The following SUPT16H variants were observed in gnomAD, a reference collection of about 807,000 sequenced individuals.
SUPT16H encodes FACT complex subunit SPT16.
SUPT16H carries 24 observed loss-of-function variants against 136.2 expected under a neutral mutation model. The observed-to-expected ratio is 0.18, with a 90% CI of 0.13 to 0.25. SUPT16H has a LOEUF of 0.25. Ranked by LOEUF, SUPT16H falls within the 10% of genes least tolerant of loss-of-function variation. The probability of loss-of-function intolerance (pLI) is 1.00; values close to 1 mark genes in which losing one functional copy is unlikely to be tolerated. For missense variants in SUPT16H, 623 were observed against 1,270.2 expected (o/e 0.49, Z 7.74); for synonymous variants, 415 against 428.2 (o/e 0.97, Z 0.38).
chr14:21,374,924 G>C (rs577096390), intron 1 of SUPT16H, among the ~76,000 whole-genome samples: 3 of 152,286 alleles, frequency 2.0e-5, no homozygotes, highest in African/African-American at 7.2e-5. Flanking sequence ...ACATTCCTAA[G>C]AATGTATCAA....
chr14:21,368,155 G>C (rs1320038791), intron 7 of SUPT16H, 114 bp downstream of exon 7: 4 of 1,084,426 alleles, frequency 3.7e-6, no homozygotes, highest in Non-Finnish European at 5.3e-6. Context: ...CTGGATTCAA[G>C]TGATCCTCCT....
intron 7 of SUPT16H, among the ~76,000 whole-genome samples, chr14:21,367,071 G>A (rs1447561547): frequency 1.3e-5 from 2 of 152,116 alleles, no homozygotes; most frequent in Non-Finnish European, 1.5e-5. Flanking sequence ...TTCCCGAGTA[G>A]CTGAGACTAC....
At chr14:21,367,087 C>T (rs1358482904) in intron 7 of SUPT16H, among the ~76,000 whole-genome samples, 1 of 152,252 alleles carries the variant, frequency 6.6e-6, no homozygotes, top group East Asian at 1.9e-4. Context: ...ACTACAGGTG[C>T]CTGCCACCAC....
At chr14:21,383,565 G>A (rs1158330249) in intron 1 of SUPT16H, 2 of 690,646 alleles carry the variant, frequency 2.9e-6, no homozygotes, top group African/African-American at 3.5e-5. Context: ...CGGAGTAGGA[G>A]GGAAGGATGT....
chr14:21,369,785 T>C lies in SUPT16H; in HGVS notation c.595A>G (p.Lys199Glu). 3 of 1,614,162 alleles carry C rather than the reference T, an allele frequency of 1.9e-6. No individual in the cohort carries two copies. Among genetic ancestry groups the C allele is most frequent in the Non-Finnish European group, 2.5e-6 (3 of 1,180,008 alleles). ...TCAACTATTTCCATGACTCTTTCCTTGAAGAATTTGTTGAAGACTTCAGAA... is the reference window on the plus strand; with the variant it reads ...TCAACTATTTCCATGACTCTTTCCTCGAAGAATTTGTTGAAGACTTCAGAA... ...ITSEVFNKFF[K>E]ERVMEIVDAD... The change falls in exon 5 of 26, where the codon AAG (lysine) becomes GAG (glutamate). Residue 199 changes from lysine to glutamate, a missense_variant. Coordinates refer to ENST00000216297, the MANE Select transcript of SUPT16H (RefSeq NM_007192.4).
chr14:21,351,573 A>T lies in SUPT16H; in HGVS notation c.*1100T>A, dbSNP rs1886292964. On this transcript the variant is annotated 3_prime_UTR_variant, in exon 26 of 26. Transcript: ENST00000216297. Reference sequence around the variant, plus strand: ...TCCTACTGCTAAGGAGAAAAAACAAACAAACATAAAATCCGGGACCCCTCC... The same window carrying T: ...TCCTACTGCTAAGGAGAAAAAACAATCAAACATAAAATCCGGGACCCCTCC... The T allele has an allele frequency of 5.8e-6, 1 of 172,930 alleles. No homozygotes were observed. The highest frequency in any genetic ancestry group is 1.2e-5 in the Non-Finnish European group (1 of 81,660). The allele number at this position is 172,930 out of a possible 1,614,324, so 10.7% of individuals were successfully genotyped here.
At chr14:21,356,773 T>C (rs1886444004) in intron 22 of SUPT16H, among the ~76,000 whole-genome samples, 1 of 151,794 alleles carries the variant, frequency 6.6e-6, no homozygotes, top group Admixed American at 6.6e-5. Flanking sequence ...ACAAAATATG[T>C]AGAAAATATA....
At chr14:21,366,306 G>T in intron 8 of SUPT16H, 133 bp downstream of exon 8, 1 of 799,950 alleles carries the variant, frequency 1.3e-6, no homozygotes, top group Non-Finnish European at 2.0e-6. Context: ...AACATCATGT[G>T]CCTGGCACAT....
At chr14:21,374,946 T>G (rs1886869523) in intron 1 of SUPT16H, among the ~76,000 whole-genome samples, 1 of 152,200 alleles carries the variant, frequency 6.6e-6, no homozygotes, top group Non-Finnish European at 1.5e-5. Flanking sequence ...GTTCCAATTT[T>G]TCCACGTTAA....
intron 7 of SUPT16H, 116 bp from the exon 8 acceptor site, chr14:21,366,645 C>A: frequency 2.3e-6 from 2 of 885,982 alleles, no homozygotes; most frequent in Non-Finnish European, 3.3e-6. Context: ...GTGAACTAAA[C>A]AGTCCACTCA....
At chr14:21,372,131 A>G (rs955100145) in intron 2 of SUPT16H, 87 bp from the exon 3 acceptor site, 1 of 1,391,622 alleles carries the variant, frequency 7.2e-7, no homozygotes, top group Non-Finnish European at 9.6e-7. Context: ...CTTATAGACA[A>G]AAATAACATG....
chr14:21,370,234 T>C (rs1408135246), intron 4 of SUPT16H, 102 bp downstream of exon 4: 46 of 1,400,860 alleles, frequency 3.3e-5, no homozygotes, highest in Non-Finnish European at 4.2e-5. Flanking sequence ...TAAACAAACA[T>C]ACAGTTTTCC....
intron 18 of SUPT16H, among the ~76,000 whole-genome samples, chr14:21,360,098 G>C (rs936705040): frequency 1.3e-5 from 2 of 152,132 alleles, no homozygotes; most frequent in Non-Finnish European, 2.9e-5. Flanking sequence ...CGCGATCTCG[G>C]CTCACTGCAA....
At chr14:21,372,079 CA>C (rs1208143415) in intron 2 of SUPT16H, 35 bp from the exon 3 acceptor site, 2 of 1,579,818 alleles carry the variant, frequency 1.3e-6, no homozygotes, top group Admixed American at 1.9e-5. Context: ...ACGGTATTTA[CA>C]GATACAAAAA....
rs1886536786 is a variant in SUPT16H, at chr14:21,360,883, T to C, written c.2019A>G (p.Gln673=). The change falls in exon 17 of 26, where the codon CAA becomes CAG. Residue 673 remains glutamine (Q), a synonymous_variant. Transcript: ENST00000216297. ...CCTCCAGTGAGCCTTGCATCCTCTT[T>C]TGGGCAATATTTGGGCGAATGTATA... The part of the protein sequence containing the change: ...KDLYIRPNIA[Q]KRMQGSLEAH... 2 of 1,614,086 alleles carry C rather than the reference T, an allele frequency of 1.2e-6. No individual in the cohort carries two copies. Among genetic ancestry groups the C allele is most frequent in the Non-Finnish European group, 1.7e-6 (2 of 1,180,042 alleles).
intron 1 of SUPT16H, 59 bp from the exon 2 acceptor site, chr14:21,373,489 C>G: frequency 8.1e-7 from 1 of 1,232,968 alleles, no homozygotes; most frequent in Non-Finnish European, 1.2e-6. Context: ...GGAATACAGC[C>G]TTCAATATTT....
chr14:21,377,076 G>GAAAAAAAAAAAAAA (rs11323425), intron 1 of SUPT16H, among the ~76,000 whole-genome samples: 14 of 110,786 alleles, frequency 1.3e-4, no homozygotes, highest in Non-Finnish European at 1.6e-4. Context: ...GAAAGAAAAA[G>GAAAAAAAAAAAAAA]AAAAAAAAAA....
At chr14:21,368,060 T>G (rs1886708765) in intron 7 of SUPT16H, among the ~76,000 whole-genome samples, 1 of 152,122 alleles carries the variant, frequency 6.6e-6, no homozygotes, top group Admixed American at 6.6e-5. Flanking sequence ...ACCACAGGCG[T>G]GCACCACTAT....
chr14:21,377,687 G>A (rs1371908034), intron 1 of SUPT16H, among the ~76,000 whole-genome samples: 4 of 151,250 alleles, frequency 2.6e-5, no homozygotes, highest in South Asian at 2.1e-4. Context: ...GCAATGGCAC[G>A]ATCTCAGCTC....
Sources: allele counts gnomAD v4.1 joint callset (sites outside exome capture counted in the v4.1 genomes callset), GRCh38; gene constraint gnomAD v4.1.1; transcripts MANE v1.5; gene names NCBI Gene and HGNC (gene_info 2026-07-23, HGNC 2026-07-21).